The following PCDH11Y variants were observed in gnomAD, a reference collection of about 807,000 sequenced individuals.
PCDH11Y encodes protocadherin 11 Y-linked.
For synonymous variants in PCDH11Y, 9 were observed against 83.6 expected (o/e 0.11, Z 4.87); for missense variants, 12 against 224.8 (o/e 0.05, Z 6.05).
intron 2 of PCDH11Y, among the ~76,000 whole-genome samples, chrY:5,417,643 C>T: frequency 3.1e-5 from 1 of 31,802 alleles, no homozygotes; most frequent in Non-Finnish European, 7.7e-5. Flanking sequence ...AGAACAATTG[C>T]CTGACAGAGT....
chrY:5,326,385 G>C, intron 2 of PCDH11Y, among the ~76,000 whole-genome samples: 1 of 32,382 alleles, frequency 3.1e-5, no homozygotes, highest in Non-Finnish European at 7.5e-5. Flanking sequence ...AGGAGTAGTA[G>C]AATAGCAGAT....
chrY:5,112,052 G>A, intron 2 of PCDH11Y, among the ~76,000 whole-genome samples: 2 of 33,470 alleles, frequency 6.0e-5, no homozygotes, highest in African/African-American at 2.3e-4. Context: ...AAGAAAGCTT[G>A]TTAAAAGATT....
At chrY:5,383,353 C>T in intron 2 of PCDH11Y, among the ~76,000 whole-genome samples, 10 of 31,519 alleles carry the variant, frequency 3.2e-4, no homozygotes, top group Admixed American at 1.5e-3. Context: ...CAAAAATTAG[C>T]TGGGCGTGGT....
intron 2 of PCDH11Y, among the ~76,000 whole-genome samples, chrY:5,482,145 G>A (rs2437442): frequency 6.3e-5 from 2 of 31,589 alleles, no homozygotes; most frequent in Non-Finnish European, 1.5e-4. Context: ...GATTACAGGC[G>A]TGTGCCACTA....
intron 2 of PCDH11Y, among the ~76,000 whole-genome samples, chrY:5,258,841 T>C: frequency 1.2e-4 from 4 of 33,372 alleles, no homozygotes; most frequent in Non-Finnish European, 3.0e-4. Flanking sequence ...GCAGATTAAG[T>C]CAGATGTTTA....
chrY:5,647,094 A>G (rs2053527822), intron 4 of PCDH11Y, among the ~76,000 whole-genome samples: 1 of 33,508 alleles, frequency 3.0e-5, no homozygotes, highest in Non-Finnish European at 7.4e-5. Flanking sequence ...TCAAGCAGTA[A>G]TATCCAGCAT....
chrY:5,014,536 GA>G (rs2052558043), intron 1 of PCDH11Y, among the ~76,000 whole-genome samples: 1 of 32,807 alleles, frequency 3.0e-5, no homozygotes, highest in African/African-American at 1.2e-4. Flanking sequence ...GATTGAACAA[GA>G]AAGGAATACT....
At chrY:5,371,235 G>T (rs2053186852) in intron 2 of PCDH11Y, among the ~76,000 whole-genome samples, 1 of 32,468 alleles carries the variant, frequency 3.1e-5, no homozygotes, top group Admixed American at 2.8e-4. Context: ...GCTTGCTTTT[G>T]GGGGGTGGGG....
chrY:5,387,694 A>G, intron 2 of PCDH11Y, among the ~76,000 whole-genome samples: 1 of 31,029 alleles, frequency 3.2e-5, no homozygotes, highest in Non-Finnish European at 7.8e-5. Flanking sequence ...GTGGTAGTAT[A>G]GGGAGGAACA....
intron 2 of PCDH11Y, among the ~76,000 whole-genome samples, chrY:5,316,223 G>T: frequency 3.0e-5 from 1 of 32,852 alleles, no homozygotes; most frequent in South Asian, 6.9e-4. Flanking sequence ...AACTCAAAGT[G>T]GGGGCTTCCA....
chrY:5,338,001 A>T lies in PCDH11Y; in HGVS notation c.3130-163056A>T. 8.2e-6 allele frequency: 3 copies of T among 366,769 alleles called. No individual in the cohort carries two copies. In the African/African-American group the frequency reaches 2.0e-4, roughly 24 times the overall value. The allele number at this position is 366,769 out of a possible 400,897, so 91.5% of individuals were successfully genotyped here. ...TCAGTTGTAATCAAAACTCTGCTAG[A>T]GCCAGAATGAAACTCCCTCATGATC... On this transcript the variant is annotated intron_variant, in intron 2 of 4. Transcript: ENST00000400457.
intron 2 of PCDH11Y, among the ~76,000 whole-genome samples, chrY:5,473,439 T>C: frequency 3.0e-5 from 1 of 33,118 alleles, no homozygotes; most frequent in Non-Finnish European, 7.5e-5. Context: ...CATGTACTAT[T>C]TGTCTTTTTT....
At chrY:5,630,959 A>G (rs2053511869) in intron 4 of PCDH11Y, among the ~76,000 whole-genome samples, 1 of 32,954 alleles carries the variant, frequency 3.0e-5, no homozygotes, top group African/African-American at 1.2e-4. Context: ...GAAATTCCAC[A>G]ATACATTATT....
intron 2 of PCDH11Y, among the ~76,000 whole-genome samples, chrY:5,164,588 T>A: frequency 3.1e-5 from 1 of 31,968 alleles, no homozygotes; most frequent in Admixed American, 2.9e-4. Flanking sequence ...AAAGGATAAA[T>A]GCTCACGGGG....
At chrY:5,446,190 G>A (rs2053287645) in intron 2 of PCDH11Y, among the ~76,000 whole-genome samples, 1 of 32,805 alleles carries the variant, frequency 3.0e-5, no homozygotes, top group Non-Finnish European at 7.5e-5. Context: ...ATGCCATAAC[G>A]AGGGTTTATA....
chrY:5,290,509 G>A, intron 2 of PCDH11Y, among the ~76,000 whole-genome samples: 3 of 33,003 alleles, frequency 9.1e-5, no homozygotes, highest in Admixed American at 5.6e-4. Flanking sequence ...GGATATGACT[G>A]AAGAAGTTTT....
intron 4 of PCDH11Y, among the ~76,000 whole-genome samples, chrY:5,733,393 T>C: frequency 3.3e-5 from 1 of 30,071 alleles, no homozygotes; most frequent in Non-Finnish European, 8.0e-5. Flanking sequence ...GTGACTGTAG[T>C]GAATGCTGGG....
At chrY:5,714,249 G>T in intron 4 of PCDH11Y, among the ~76,000 whole-genome samples, 2 of 32,818 alleles carry the variant, frequency 6.1e-5, no homozygotes, top group Non-Finnish European at 1.5e-4. Flanking sequence ...AACTGACCTC[G>T]TAACTTGTCT....
intron 3 of PCDH11Y, among the ~76,000 whole-genome samples, chrY:5,536,723 T>C: frequency 3.3e-5 from 1 of 30,625 alleles, no homozygotes; most frequent in African/African-American, 1.3e-4. Flanking sequence ...CCTTGTTGCA[T>C]CTTAAGTTGA....
Sources: gnomAD v4.1 joint callset for allele counts (sites outside exome capture counted in the v4.1 genomes callset) on GRCh38, gnomAD v4.1.1 for gene constraint, MANE v1.5 for transcripts, NCBI Gene and HGNC (gene_info 2026-07-23, HGNC 2026-07-21) for gene names.